FGF14: variants seen among roughly 807,000 people sequenced by gnomAD.
The protein encoded by FGF14 is fibroblast growth factor homologous factor 4.
FGF14 carries 5 observed loss-of-function variants against 25.5 expected under a neutral mutation model. The ratio of observed to expected loss-of-function variants is 0.20; its 90% CI spans 0.10 to 0.41. FGF14 has a LOEUF of 0.41. Among genes scored for constraint, FGF14 ranks in the 10% least tolerant of loss-of-function variants. The probability of loss-of-function intolerance (pLI) is 1.00; values close to 1 mark genes in which losing one functional copy is unlikely to be tolerated. For synonymous variants in FGF14, 138 were observed against 118.3 expected, an observed-to-expected ratio of 1.17 and a Z score of -1.08; for missense variants, 222 against 320.1, an observed-to-expected ratio of 0.69 and a Z score of 2.34.
intron 1 of FGF14, among the ~76,000 whole-genome samples, chr13:102,067,779 A>C (rs2042965638): frequency 6.6e-6 from 1 of 152,016 alleles, no homozygotes; most frequent in South Asian, 2.1e-4. Flanking sequence ...CAAACCTAGA[A>C]AAAGTTATCA....
chr13:102,080,794 C>T (rs1207806679), intron 1 of FGF14, among the ~76,000 whole-genome samples: 4 of 152,160 alleles, frequency 2.6e-5, no homozygotes, highest in Admixed American at 6.5e-5. Flanking sequence ...TCTAATTTAC[C>T]CACATTTGTG....
At position 101,722,682 on chromosome 13, in the gene FGF14, C is replaced by T. The variant is rs1364002597; in HGVS notation, c.*149G>A. ...GGGGTGCAACAGGTTGAGATTTATC[C>T]ACTTGCAACAGAGAAGTTCGGAGAC... is the stretch of plus-strand genomic sequence containing the variant. On this transcript the variant is annotated 3_prime_UTR_variant, in exon 5 of 5. Coordinates refer to ENST00000376143, the MANE Select transcript of FGF14 (RefSeq NM_004115.4). 9.6e-7 allele frequency: 1 copy of T among 1,046,672 alleles called. No homozygotes were observed. Among genetic ancestry groups the T allele is most frequent in the Middle Eastern group, 2.1e-4 (1 of 4,756 alleles). 64.8% of individuals were successfully genotyped at this position (1,046,672 alleles called of 1,614,324 possible).
intron 4 of FGF14, among the ~76,000 whole-genome samples, chr13:101,723,286 C>T (rs1403423623): frequency 6.6e-6 from 1 of 151,518 alleles, no homozygotes; most frequent in African/African-American, 2.4e-5. Flanking sequence ...CACACACACA[C>T]ACTATAGGAG....
At chr13:101,816,347 T>A (rs542958274) in intron 3 of FGF14, among the ~76,000 whole-genome samples, 1 of 151,672 alleles carries the variant, frequency 6.6e-6, no homozygotes, top group Non-Finnish European at 1.5e-5. Flanking sequence ...AATGTTTATC[T>A]CTCTGACTTT....
chr13:101,756,405 T>C (rs2037651217), intron 3 of FGF14, among the ~76,000 whole-genome samples: 2 of 152,226 alleles, frequency 1.3e-5, no homozygotes, highest in African/African-American at 4.8e-5. Context: ...TTTTTATTTG[T>C]AAGATAACCA....
chr13:101,890,960 A>G (rs1300857485), intron 1 of FGF14, among the ~76,000 whole-genome samples: 2 of 152,044 alleles, frequency 1.3e-5, no homozygotes, highest in East Asian at 3.9e-4. Context: ...GACAAGGGGA[A>G]TAATGTCTAC....
chr13:101,909,386 A>G (rs1380872251), intron 1 of FGF14, among the ~76,000 whole-genome samples: 1 of 152,218 alleles, frequency 6.6e-6, no homozygotes, highest in Admixed American at 6.5e-5. Flanking sequence ...AACTCAGACA[A>G]ATTTGCAAGA....
chr13:101,855,797 C>A (rs139771712), intron 3 of FGF14, among the ~76,000 whole-genome samples: 1 of 151,764 alleles, frequency 6.6e-6, no homozygotes, highest in Non-Finnish European at 1.5e-5. Flanking sequence ...TGCATTTAAA[C>A]AACCGCATAT....
intron 1 of FGF14, among the ~76,000 whole-genome samples, chr13:102,123,390 T>C (rs948657860): frequency 1.1e-4 from 16 of 152,312 alleles, no homozygotes; most frequent in Admixed American, 8.5e-4. Flanking sequence ...AGATATTAGA[T>C]AAAAGCATTC....
intron 1 of FGF14, among the ~76,000 whole-genome samples, chr13:102,129,888 T>C (rs2046119002): frequency 6.6e-6 from 1 of 152,202 alleles, no homozygotes; most frequent in Non-Finnish European, 1.5e-5. Context: ...ATTGCAGATC[T>C]ATTCTATTGG....
At chr13:101,952,461 CA>C (rs1006210085) in intron 1 of FGF14, among the ~76,000 whole-genome samples, 1 of 150,890 alleles carries the variant, frequency 6.6e-6, no homozygotes, top group African/African-American at 2.4e-5. Context: ...AAGTCCCAAG[CA>C]AAAAATGTTT....
At chr13:102,378,979 TC>T (rs1230821808) in intron 1 of FGF14, among the ~76,000 whole-genome samples, 1 of 152,086 alleles carries the variant, frequency 6.6e-6, no homozygotes, top group Non-Finnish European at 1.5e-5. Context: ...GAAGGTACGA[TC>T]ATCTGTCTAG....
At chr13:102,319,460 T>G (rs2138744656) in intron 1 of FGF14, among the ~76,000 whole-genome samples, 1 of 152,242 alleles carries the variant, frequency 6.6e-6, no homozygotes, top group Non-Finnish European at 1.5e-5. Context: ...CCCCCATCCC[T>G]CTCTGGGGCT....
chr13:101,830,721 A>G (rs1048766131), intron 3 of FGF14, among the ~76,000 whole-genome samples: 3 of 152,122 alleles, frequency 2.0e-5, no homozygotes, highest in African/African-American at 7.2e-5. Flanking sequence ...GCCTAAAGCA[A>G]CACAATTTCA....
chr13:102,153,559 G>C (rs1388833798), intron 1 of FGF14, among the ~76,000 whole-genome samples: 1 of 152,150 alleles, frequency 6.6e-6, no homozygotes. Context: ...TGAAATGTAA[G>C]TAAACAATTA....
intron 1 of FGF14, among the ~76,000 whole-genome samples, chr13:102,112,930 G>A (rs2045303579): frequency 6.6e-6 from 1 of 152,136 alleles, no homozygotes; most frequent in South Asian, 2.1e-4. Context: ...GGGACATAAT[G>A]CACTCTAAGA....
chr13:102,034,341 G>C (rs141026356), intron 1 of FGF14, among the ~76,000 whole-genome samples: 33 of 152,250 alleles, frequency 2.2e-4, no homozygotes, highest in African/African-American at 7.7e-4. Flanking sequence ...AGGCTCTTAA[G>C]AGTTAGAAGC....
At chr13:102,378,212 T>C (rs184617638) in intron 1 of FGF14, among the ~76,000 whole-genome samples, 30 of 152,246 alleles carry the variant, frequency 2.0e-4, no homozygotes, top group African/African-American at 7.0e-4. Flanking sequence ...TGAGTGATGA[T>C]GTGTCAGTGT....
At chr13:101,987,646 T>C (rs1454290274) in intron 1 of FGF14, among the ~76,000 whole-genome samples, 1 of 152,174 alleles carries the variant, frequency 6.6e-6, no homozygotes, top group Non-Finnish European at 1.5e-5. Flanking sequence ...ATAATTTCAT[T>C]TGCTTTTGTT....
Sources: gnomAD v4.1 joint callset for allele counts (sites outside exome capture counted in the v4.1 genomes callset) on GRCh38, gnomAD v4.1.1 for gene constraint, MANE v1.5 for transcripts, NCBI Gene and HGNC (gene_info 2026-07-23, HGNC 2026-07-21) for gene names.